Variants in GLB1 observed in about 807,000 individuals in gnomAD.
GLB1 encodes the protein galactosidase beta 1, also known as beta-galactosidase.
In GLB1, 56 loss-of-function variants were observed where a neutral mutation model predicts 74.0. The observed-to-expected ratio is 0.76, with a 90% CI of 0.61 to 0.94. The LOEUF is 0.94. GLB1 is among the 40% of genes least tolerant of loss of function. GLB1 has a pLI of 0.00. For synonymous variants in GLB1, 323 were observed against 323.6 expected, an observed-to-expected ratio of 1.00 and a Z score of 0.02; for missense variants, 787 against 845.5, an observed-to-expected ratio of 0.93 and a Z score of 0.86.
downstream of GLB1, among the ~76,000 whole-genome samples, chr3:32,994,138 G>A (rs1287121466): frequency 1.3e-5 from 2 of 152,100 alleles, no homozygotes; most frequent in African/African-American, 4.8e-5. Context: ...GTTCATATCA[G>A]CATTCTTCAT....
chr3:33,064,273 T>C (rs943156542), intron 5 of GLB1, among the ~76,000 whole-genome samples: 2 of 149,172 alleles, frequency 1.3e-5, no homozygotes, highest in Non-Finnish European at 3.0e-5. Flanking sequence ...ACCCTGTCTC[T>C]ACTAAAAATA....
chr3:33,024,430 G>A, intron 10 of GLB1, 105 bp from the exon 11 acceptor site: 6 of 1,257,628 alleles, frequency 4.8e-6, no homozygotes, highest in Non-Finnish European at 6.6e-6. Flanking sequence ...AGACTCAACA[G>A]TGCCACTGCT....
At chr3:33,018,342 G>T in intron 13 of GLB1, 106 bp downstream of exon 13, 5 of 719,560 alleles carry the variant, frequency 6.9e-6, no homozygotes, top group Non-Finnish European at 7.2e-6. Flanking sequence ...GGTAGAGCCT[G>T]AGGCTGAAAA....
At chr3:32,987,869 C>A in the GLB1 span, among the ~76,000 whole-genome samples, 1 of 151,990 alleles carries the variant, frequency 6.6e-6, no homozygotes, top group African/African-American at 2.4e-5. Context: ...AATATTGGAG[C>A]TTAATAACAT....
intron 10 of GLB1, among the ~76,000 whole-genome samples, chr3:33,028,524 T>C (rs551270597): frequency 5.9e-5 from 9 of 152,178 alleles, no homozygotes; most frequent in Non-Finnish European, 1.3e-4. Flanking sequence ...TATAGCATTA[T>C]CCTTTTAAAT....
the GLB1 span, among the ~76,000 whole-genome samples, chr3:32,984,433 A>G: frequency 6.6e-6 from 1 of 151,968 alleles, no homozygotes; most frequent in African/African-American, 2.4e-5. Flanking sequence ...ACTTTGGTAA[A>G]CCCTTCCAAA....
chr3:33,094,007 A>C (rs982977329), intron 1 of GLB1: 1 of 1,614,102 alleles, frequency 6.2e-7, no homozygotes, highest in African/African-American at 1.3e-5. Context: ...TGCTGCGCCA[A>C]ATGTAGAGGG....
At chr3:32,976,825 G>T in the GLB1 span, among the ~76,000 whole-genome samples, 13 of 152,314 alleles carry the variant, frequency 8.5e-5, no homozygotes, top group Non-Finnish European at 1.2e-4. Context: ...AAGAAGAGAA[G>T]AGTGAAGACA....
At chr3:32,989,824 A>T in the GLB1 span, among the ~76,000 whole-genome samples, 1 of 151,996 alleles carries the variant, frequency 6.6e-6, no homozygotes, top group Non-Finnish European at 1.5e-5. Context: ...AATTCTTCCT[A>T]CCTCTTGATT....
the GLB1 span, among the ~76,000 whole-genome samples, chr3:32,965,351 A>G: frequency 6.6e-6 from 1 of 152,200 alleles, no homozygotes; most frequent in East Asian, 1.9e-4. Context: ...GTGGTCTCAG[A>G]TGGAAATAAG....
At chr3:33,094,613 C>G (rs183106726) in intron 1 of GLB1, among the ~76,000 whole-genome samples, 1 of 152,314 alleles carries the variant, frequency 6.6e-6, no homozygotes, top group East Asian at 1.9e-4. Flanking sequence ...CTTCAGGGGT[C>G]CAATTAGTCA....
intron 1 of GLB1, chr3:33,096,619 G>A: frequency 1.5e-5 from 16 of 1,065,134 alleles, no homozygotes; most frequent in Non-Finnish European, 1.8e-5. Context: ...CACCAACTGG[G>A]AAAGCGAGGG....
chr3:32,993,325 C>T (rs1251281551), downstream of GLB1, among the ~76,000 whole-genome samples: 1 of 151,978 alleles, frequency 6.6e-6, no homozygotes, highest in Non-Finnish European at 1.5e-5. Flanking sequence ...AGAGAGAGGA[C>T]AGGAGGGATG....
the GLB1 span, among the ~76,000 whole-genome samples, chr3:32,971,046 C>A: frequency 6.6e-6 from 1 of 152,210 alleles, no homozygotes; most frequent in African/African-American, 2.4e-5. Flanking sequence ...TTAGCAGCAA[C>A]AGTCCTAAAC....
intron 1 of GLB1, among the ~76,000 whole-genome samples, chr3:33,080,593 C>T (rs3924695): frequency 0.19 from 29,298 of 152,128 alleles, 4,184 homozygotes; most frequent in African/African-American, 0.38. Flanking sequence ...CAATGAGGGA[C>T]AAAGAGGGTG....
chr3:33,067,487 C>T (rs535509948), intron 4 of GLB1, among the ~76,000 whole-genome samples: 1 of 151,620 alleles, frequency 6.6e-6, no homozygotes, highest in Non-Finnish European at 1.5e-5. Flanking sequence ...CGCTATGTTA[C>T]CTAGGCTGGT....
At chr3:33,050,089 A>G (rs1244601371) in intron 9 of GLB1, among the ~76,000 whole-genome samples, 1 of 152,226 alleles carries the variant, frequency 6.6e-6, no homozygotes, top group African/African-American at 2.4e-5. Context: ...TGGGAAATGA[A>G]GCTTAGCGAA....
At chr3:33,077,794 G>C (rs1455225014) in intron 1 of GLB1, among the ~76,000 whole-genome samples, 8 of 150,796 alleles carry the variant, frequency 5.3e-5, no homozygotes, top group Admixed American at 6.6e-5. Flanking sequence ...TTCATTAGTG[G>C]CATGCTCATT....
intron 5 of GLB1, among the ~76,000 whole-genome samples, chr3:33,062,064 C>T (rs545303291): frequency 6.6e-6 from 1 of 152,374 alleles, no homozygotes; most frequent in South Asian, 2.1e-4. Flanking sequence ...ATCTCAAACT[C>T]TGAGCACTGA....
Sources: gnomAD v4.1 joint callset for allele counts (sites outside exome capture counted in the v4.1 genomes callset) on GRCh38, gnomAD v4.1.1 for gene constraint, MANE v1.5 for transcripts, NCBI Gene and HGNC (gene_info 2026-07-23, HGNC 2026-07-21) for gene names.